CKB: variants seen among roughly 807,000 people sequenced by gnomAD.
CKB encodes the protein creatine kinase B, also known as creatine kinase B-type.
In CKB, 15 loss-of-function variants were observed where a neutral mutation model predicts 36.9. The observed-to-expected ratio is 0.41, with a 90% CI of 0.27 to 0.63. The LOEUF (loss-of-function observed/expected upper bound fraction) is 0.63, where lower values mean the gene tolerates loss of function less well. Among genes scored for constraint, CKB ranks in the 20% least tolerant of loss-of-function variants. The pLI, the probability that CKB is intolerant of heterozygous loss-of-function variation, is 0.34. For synonymous variants in CKB, 250 were observed against 228.2 expected (o/e 1.10, Z -0.86); for missense variants, 413 against 534.9 (o/e 0.77, Z 2.25).
rs759868311 is a variant in CKB at position 103,521,367 on chromosome 14, C to T, written c.549G>A (p.Glu183=). 9.9e-6 allele frequency: 16 copies of T among 1,609,642 alleles called. No individual in the cohort carries two copies. The Admixed American group carries it at 2.7e-4, about 27-fold the overall frequency. The part of the protein sequence containing the change: ...YYALKSMTEA[E]QQQLIDDHFL... ...AGTGGTCGTCGATGAGCTGCTGCTG[C>T]TCCGCCTCCGTCATGCTCTTGAGCG... Residue 183 remains glutamate (E), a synonymous_variant, in exon 5 of 8, where the codon GAG becomes GAA. Coordinates refer to ENST00000348956, the MANE Select transcript of CKB (RefSeq NM_001823.5).
Position 103,522,039 on chromosome 14 carries a change from T to C in CKB, c.332A>G (p.Asn111Ser), listed in dbSNP as rs1435375156. 2 of 1,344,748 alleles carry C rather than the reference T, an allele frequency of 1.5e-6. No homozygotes were observed. Among genetic ancestry groups the C allele is most frequent in the Non-Finnish European group, 2.0e-6 (2 of 1,019,472 alleles). The allele number at this position is 1,344,748 out of a possible 1,614,324, so 83.3% of individuals were successfully genotyped here. ...KPSDEHKTDL[N>S]PDNLQGGDDL... ...GCCCCGCACCTGCAGGTTGTCGGGG[T>C]TGAGGTCGGTCTTGTGCTCATCGCT... Residue 111 changes from asparagine (N) to serine (S), a missense_variant, in exon 3 of 8, where the codon AAC (asparagine) becomes AGC (serine). Physicochemically the swap from Asn to Ser is conservative, Grantham distance 46. This residue lies in a region of CKB where 314 missense variants were observed against 409.4 expected (regional missense o/e 0.77). Coordinates refer to ENST00000348956, the MANE Select transcript of CKB (RefSeq NM_001823.5). This position sits in a 1 kb window ranked among gnomAD's most constrained non-coding sequence, Gnocchi z 6.7.
In CKB at chr14:103,521,870, G is replaced by T. The variant is rs2075903811; in HGVS notation, c.429C>A (p.Pro143=). 2 of 1,560,742 alleles carry T rather than the reference G, an allele frequency of 1.3e-6. No individual in the cohort carries two copies. Among genetic ancestry groups the T allele is most frequent in the Non-Finnish European group, 1.7e-6 (2 of 1,163,734 alleles). ...TGRSIRGFCL[P]PHCSRGERRA... is the part of the protein sequence containing the mutation. ...GGCGCTCCCCGCGGCTGCAGTGCGG[G>T]GGGAGGCAGAAGCCACGGATGCTGC... Residue 143 remains proline (P), a synonymous_variant, in exon 4 of 8, where the codon CCC becomes CCA. Transcript: ENST00000348956.
At chr14:103,521,170 C>T (rs1005640118) in intron 5 of CKB, 93 bp downstream of exon 5, 6 of 1,445,230 alleles carry the variant, frequency 4.2e-6, no homozygotes, top group East Asian at 2.5e-5. Flanking sequence ...TCCTCCTCGC[C>T]GCGAGGGGCC....
Position 103,521,390 on chromosome 14 carries a change from G to C in CKB, c.526C>G (p.Leu176Val). Residue 176 changes from leucine (L) to valine (V), a missense_variant, in exon 5 of 8, where the codon CTC becomes GTC. This residue lies in a region of CKB where 314 missense variants were observed against 409.4 expected (regional missense o/e 0.77). Transcript: ENST00000348956. ...TGCTCCGCCTCCGTCATGCTCTTGA[G>C]CGCGTAGTATCGGCCCGCCAGGTCG... Reference protein sequence around the residue: ...DGDLAGRYYALKSMTEAEQQQ... With the variant: ...DGDLAGRYYAVKSMTEAEQQQ... 6.2e-7 allele frequency: 1 copy of C among 1,608,286 alleles called. No homozygotes were observed. Among genetic ancestry groups the C allele is most frequent in the East Asian group, 2.2e-5 (1 of 44,772 alleles).
In CKB at chr14:103,522,222, G is replaced by C; in HGVS notation, c.194-45C>G. On this transcript the variant is annotated intron_variant, in intron 2 of 7. Coordinates refer to ENST00000348956, the MANE Select transcript of CKB (RefSeq NM_001823.5). This position sits in a 1 kb window ranked among gnomAD's most constrained non-coding sequence, Gnocchi z 6.7. ...ACGGGGACAGTGACGTCACTGCCGG[G>C]CCCGAGCGCGCTGCTGAGGACCCTG... 6.3e-7 allele frequency: 1 copy of C among 1,577,930 alleles called. No homozygotes were observed. The highest frequency in any genetic ancestry group is 8.6e-7 in the Non-Finnish European group (1 of 1,162,896).
At chr14:103,520,827 G>A in intron 5 of CKB, 3 of 569,390 alleles carry the variant, frequency 5.3e-6, no homozygotes, top group South Asian at 4.1e-5. Context: ...GCCAGGGACC[G>A]CCAGGACAGC....
rs914021014 is a variant in CKB, at chr14:103,522,261, G to C, written c.193+40C>G. 7 of 1,572,152 alleles carry C rather than the reference G, an allele frequency of 4.5e-6. No homozygotes were observed. The highest frequency in any genetic ancestry group is 3.6e-4 in the Middle Eastern group (2 of 5,542). On this transcript the variant is annotated intron_variant, in intron 2 of 7. Coordinates refer to ENST00000348956, the MANE Select transcript of CKB (RefSeq NM_001823.5). The surrounding 1 kb of genome is among the most constrained non-coding windows in gnomAD (Gnocchi z 6.7). ...CTGAGGACCCTGCGGCTGCGCGGGGGGAGGGGGGGCCGGGACCCCGGCCCC... is the reference window on the plus strand; with the variant it reads ...CTGAGGACCCTGCGGCTGCGCGGGGCGAGGGGGGGCCGGGACCCCGGCCCC...
At chr14:103,520,691 A>T (rs2075893983) in intron 5 of CKB, 99 bp from the exon 6 acceptor site, 7 of 1,455,534 alleles carry the variant, frequency 4.8e-6, no homozygotes, top group Non-Finnish European at 6.4e-6. Flanking sequence ...GCTCCCTGCC[A>T]TGCCCAGGAG....
Position 103,522,339 on chromosome 14 carries a change from G to A in CKB, c.155C>T (p.Thr52Met). The change falls in exon 2 of 8, where the codon ACG becomes ATG. Residue 52 changes from threonine to methionine, a missense_variant. Around this residue, in one of 3 missense-constraint regions of CKB, gnomAD observed 25 missense variants for 54.9 expected, o/e 0.46. Transcript: ENST00000348956. The surrounding 1 kb of genome is among the most constrained non-coding windows in gnomAD (Gnocchi z 6.7). ...GCCTGTCTGGATGACGTCGTCCAGC[G>A]TGAAGCCGCTCGGCGTGCTCTTGGC... ...LRAKSTPSGFTLDDVIQTGVD... is the reference protein window; with the variant it reads ...LRAKSTPSGFMLDDVIQTGVD... The A allele has an allele frequency of 6.2e-7, 1 of 1,609,908 alleles. No homozygotes were observed. The highest frequency in any genetic ancestry group is 8.5e-7 in the Non-Finnish European group (1 of 1,179,120).
At position 103,521,598 on chromosome 14, in the gene CKB, G is replaced by A. The variant is rs931908327; in HGVS notation, c.482-164C>T. On this transcript the variant is annotated intron_variant, in intron 4 of 7. Coordinates refer to ENST00000348956, the MANE Select transcript of CKB (RefSeq NM_001823.5). ...ACGGCCCGGGCGACGGTCCCAGGCG[G>A]TGACCCCGCGCCAGGACCCGCCCTC... 6.5e-6 allele frequency: 6 copies of A among 916,436 alleles called. No homozygotes were observed. The East Asian group carries it at 1.4e-4, about 21-fold the overall frequency. 56.8% of individuals were successfully genotyped at this position (916,436 alleles called of 1,614,324 possible).
At chr14:103,520,702 T>A in intron 5 of CKB, 110 bp from the exon 6 acceptor site, 10 of 1,407,178 alleles carry the variant, frequency 7.1e-6, no homozygotes, top group Non-Finnish European at 7.5e-6. Context: ...TGCCCAGGAG[T>A]GGAGGCTGCT....
At chr14:103,520,925 G>A in intron 5 of CKB, 2 of 519,070 alleles carry the variant, frequency 3.9e-6, no homozygotes, top group South Asian at 2.1e-5. Context: ...CAGCGGCGGA[G>A]GAGTGAGAAA....
At position 103,520,601 on chromosome 14, in the gene CKB, G is replaced by A; in HGVS notation, c.654-9C>T. 1 of 1,610,490 alleles carries A rather than the reference G, an allele frequency of 6.2e-7. No individual in the cohort carries two copies. Among genetic ancestry groups the A allele is most frequent in the South Asian group, 1.1e-5 (1 of 90,542 alleles). On this transcript the variant is annotated splice_polypyrimidine_tract_variant and intron_variant, in intron 5 of 7. Coordinates refer to ENST00000348956, the MANE Select transcript of CKB (RefSeq NM_001823.5). ...TCTTATTGTCATTGTGCCTGCGGGA[G>A]GGCTGGTCTCAGGGCATACCCAGAA...
chr14:103,521,286 G>T lies in CKB; in HGVS notation c.630C>A (p.Asp210Glu). ...PLLLASGMARDWPDARGIWHN... is the reference protein window; with the variant it reads ...PLLLASGMAREWPDARGIWHN... ...ACCAGATACCGCGGGCGTCGGGCCA[G>T]TCGCGGGCCATGCCCGAGGCCAGCA... Residue 210 changes from aspartate to glutamate, a missense_variant, in exon 5 of 8, where the codon GAC becomes GAA. Coordinates refer to ENST00000348956, the MANE Select transcript of CKB (RefSeq NM_001823.5). The T allele has an allele frequency of 1.2e-6, 2 of 1,601,086 alleles. No individual in the cohort carries two copies. The highest frequency in any genetic ancestry group is 8.5e-7 in the Non-Finnish European group (1 of 1,176,834).
chr14:103,519,847 C>A lies in CKB; in HGVS notation c.*17G>T. 6.3e-7 allele frequency: 1 copy of A among 1,585,278 alleles called. No individual in the cohort carries two copies. The highest frequency in any genetic ancestry group is 8.5e-7 in the Non-Finnish European group (1 of 1,170,060). Reference sequence around the variant, plus strand: ...AGTTAGGAAGCAGCAGGGCTGGTGTCGGGTGTGGGCCGGGCTTCATTTCTG... The same window carrying A: ...AGTTAGGAAGCAGCAGGGCTGGTGTAGGGTGTGGGCCGGGCTTCATTTCTG... On this transcript the variant is annotated 3_prime_UTR_variant, in exon 8 of 8. Coordinates refer to ENST00000348956, the MANE Select transcript of CKB (RefSeq NM_001823.5).
In CKB at chr14:103,522,183, G is replaced by A; in HGVS notation, c.194-6C>T. 4.4e-6 allele frequency: 7 copies of A among 1,602,412 alleles called. No homozygotes were observed. The highest frequency in any genetic ancestry group is 5.1e-6 in the Non-Finnish European group (6 of 1,175,240). Reference sequence around the variant, plus strand: ...GGTCATGATGTACGGGTGGCCTGGGGGAGGGGGCGCGGGACGGGGACAGTG... The same window carrying A: ...GGTCATGATGTACGGGTGGCCTGGGAGAGGGGGCGCGGGACGGGGACAGTG... On this transcript the variant is annotated splice_region_variant and splice_polypyrimidine_tract_variant and intron_variant, in intron 2 of 7. Transcript: ENST00000348956. This position sits in a 1 kb window ranked among gnomAD's most constrained non-coding sequence, Gnocchi z 6.7.
At position 103,521,407 on chromosome 14, in the gene CKB, G is replaced by A. The variant is rs769546303; in HGVS notation, c.509C>T (p.Ala170Val). The A allele has an allele frequency of 1.0e-5, 16 of 1,603,492 alleles. No individual in the cohort carries two copies. Among genetic ancestry groups the A allele is most frequent in the East Asian group, 2.2e-5 (1 of 44,622 alleles). The change falls in exon 5 of 8, where the codon GCG becomes GTG. Residue 170 changes from alanine to valine, a missense_variant. Physicochemically the swap from Ala to Val is moderately conservative, Grantham distance 64. Around this residue, in one of 3 missense-constraint regions of CKB, gnomAD observed 314 missense variants for 409.4 expected, o/e 0.77. Transcript: ENST00000348956. ...GCTCTTGAGCGCGTAGTATCGGCCC[G>A]CCAGGTCGCCGTCCAGGCTGGACAG... ...EALSSLDGDL[A>V]GRYYALKSMT...
Position 103,522,349 on chromosome 14 carries a change from T to C in CKB, c.145A>G (p.Ser49Gly). The C allele has an allele frequency of 6.2e-7, 1 of 1,610,650 alleles. No homozygotes were observed. Among genetic ancestry groups the C allele is most frequent in the South Asian group, 1.1e-5 (1 of 91,016 alleles). The change falls in exon 2 of 8, where the codon AGC becomes GGC. Residue 49 changes from serine to glycine, a missense_variant. Transcript: ENST00000348956. This position sits in a 1 kb window ranked among gnomAD's most constrained non-coding sequence, Gnocchi z 6.7. ...ATGACGTCGTCCAGCGTGAAGCCGC[T>C]CGGCGTGCTCTTGGCGCGCAGCTCC... ...YAELRAKSTP[S>G]GFTLDDVIQT...
chr14:103,521,747 CA>C, intron 4 of CKB, 70 bp downstream of exon 4: 1 of 1,317,238 alleles, frequency 7.6e-7, no homozygotes, highest in Non-Finnish European at 9.7e-7. Flanking sequence ...GCGACGTAAA[CA>C]AAAGCGGGCG....
Sources: allele counts gnomAD v4.1 joint callset, GRCh38; gene constraint gnomAD v4.1.1; regional missense constraint gnomAD v4.1.1; non-coding constraint Gnocchi (gnomAD v3.1); transcripts MANE v1.5; gene names NCBI Gene and HGNC (gene_info 2026-07-23, HGNC 2026-07-21).